The following SLC24A2 variants were observed in gnomAD, a reference collection of about 807,000 sequenced individuals.
SLC24A2 encodes the protein sodium/potassium/calcium exchanger 2.
Under a neutral mutation model 62.0 loss-of-function variants are expected in SLC24A2, and 36 were observed. The ratio of observed to expected loss-of-function variants is 0.58; its 90% CI spans 0.44 to 0.77. SLC24A2 has a LOEUF of 0.77. Ranked by LOEUF, SLC24A2 falls within the 30% of genes least tolerant of loss-of-function variation. The pLI is 0.00. For synonymous variants in SLC24A2, 358 were observed against 294.0 expected (o/e 1.22, Z -2.23); for missense variants, 846 against 817.9 (o/e 1.03, Z -0.42).
At chr9:20,228,464 CA>C in the SLC24A2 span, among the ~76,000 whole-genome samples, 1 of 151,810 alleles carries the variant, frequency 6.6e-6, no homozygotes, top group South Asian at 2.1e-4. Context: ...GCTGGCACCC[CA>C]AATTGTCTTT....
intron 8 of SLC24A2, among the ~76,000 whole-genome samples, chr9:19,549,526 G>A (rs1834739135): frequency 2.0e-5 from 3 of 152,168 alleles, no homozygotes; most frequent in Non-Finnish European, 4.4e-5. Context: ...AGTCCTGACT[G>A]ACCTCTTATG....
At chr9:19,662,858 A>G (rs1032983139) in intron 2 of SLC24A2, among the ~76,000 whole-genome samples, 32 of 152,160 alleles carry the variant, frequency 2.1e-4, no homozygotes, top group African/African-American at 7.7e-4. Flanking sequence ...TCACTGCCCC[A>G]TGAGCTGTTT....
At chr9:19,960,661 G>A in the SLC24A2 span, among the ~76,000 whole-genome samples, 2 of 152,180 alleles carry the variant, frequency 1.3e-5, no homozygotes, top group South Asian at 4.1e-4. Flanking sequence ...TCCCACAGAT[G>A]TATGGTGACA....
At chr9:19,754,927 G>C (rs967810246) in intron 2 of SLC24A2, among the ~76,000 whole-genome samples, 2 of 152,022 alleles carry the variant, frequency 1.3e-5, no homozygotes, top group East Asian at 3.9e-4. Context: ...GATTTTATAA[G>C]CATCCAATTC....
At chr9:19,665,244 T>C (rs1355980881) in intron 2 of SLC24A2, among the ~76,000 whole-genome samples, 2 of 152,130 alleles carry the variant, frequency 1.3e-5, no homozygotes, top group Non-Finnish European at 2.9e-5. Context: ...AGTGTTGTTA[T>C]TGTCCAAGGA....
the SLC24A2 span, among the ~76,000 whole-genome samples, chr9:20,030,403 C>T: frequency 1.3e-5 from 2 of 152,174 alleles, no homozygotes; most frequent in African/African-American, 4.8e-5. Context: ...GGTAACCGAG[C>T]TCCTCCTGTA....
At chr9:20,273,062 G>C in the SLC24A2 span, among the ~76,000 whole-genome samples, 6 of 152,206 alleles carry the variant, frequency 3.9e-5, no homozygotes, top group Non-Finnish European at 7.3e-5. Flanking sequence ...TCCACAGTGT[G>C]AGGCAGACGA....
At chr9:19,649,312 AAT>A (rs1818733889) in intron 2 of SLC24A2, among the ~76,000 whole-genome samples, 1 of 152,078 alleles carries the variant, frequency 6.6e-6, no homozygotes, top group Admixed American at 6.6e-5. Flanking sequence ...TTTTCCAGAT[AAT>A]ATATGTTGAT....
At chr9:19,809,648 G>A in the SLC24A2 span, among the ~76,000 whole-genome samples, 3 of 152,112 alleles carry the variant, frequency 2.0e-5, no homozygotes, top group South Asian at 2.1e-4. Context: ...AGTAAGGAGC[G>A]GACAGGATGG....
chr9:19,982,684 A>G, the SLC24A2 span, among the ~76,000 whole-genome samples: 2 of 152,216 alleles, frequency 1.3e-5, no homozygotes, highest in Non-Finnish European at 2.9e-5. Flanking sequence ...AACTTATTCT[A>G]TAAGGCTGTA....
the SLC24A2 span, among the ~76,000 whole-genome samples, chr9:20,046,109 C>T: frequency 6.6e-6 from 1 of 152,218 alleles, no homozygotes; most frequent in Non-Finnish European, 1.5e-5. Context: ...GTGTCCTCAT[C>T]TTGTTTCATC....
the SLC24A2 span, among the ~76,000 whole-genome samples, chr9:20,095,940 G>C: frequency 1.3e-5 from 2 of 152,084 alleles, no homozygotes; most frequent in African/African-American, 4.8e-5. Flanking sequence ...ACTATCATGA[G>C]AACAGTATGG....
chr9:19,717,704 T>C (rs929737556), intron 2 of SLC24A2, among the ~76,000 whole-genome samples: 9 of 152,194 alleles, frequency 5.9e-5, no homozygotes, highest in Non-Finnish European at 1.2e-4. Context: ...AGATTCTAAA[T>C]TTTTTAGCTG....
chr9:20,264,836 A>G, the SLC24A2 span, among the ~76,000 whole-genome samples: 1 of 152,240 alleles, frequency 6.6e-6, no homozygotes, highest in East Asian at 1.9e-4. Flanking sequence ...CCTGTAAAAC[A>G]TAGAAGGTGG....
the SLC24A2 span, among the ~76,000 whole-genome samples, chr9:19,975,942 A>G: frequency 6.7e-6 from 1 of 149,758 alleles, no homozygotes; most frequent in Non-Finnish European, 1.5e-5. Context: ...ATCTTGTTCT[A>G]TCACCCAAAT....
intron 2 of SLC24A2, among the ~76,000 whole-genome samples, chr9:19,753,107 A>G (rs913724858): frequency 1.3e-5 from 2 of 152,182 alleles, no homozygotes; most frequent in African/African-American, 4.8e-5. Context: ...TTTTCTTTGC[A>G]TACTCTAGCT....
intron 7 of SLC24A2, 92 bp downstream of exon 7, chr9:19,573,259 G>T: frequency 2.3e-6 from 2 of 866,348 alleles, no homozygotes; most frequent in Non-Finnish European, 2.0e-6. Flanking sequence ...GCTGAGAGCT[G>T]GGGCTTCCAA....
chr9:20,258,822 T>TATCTACCTC, the SLC24A2 span, among the ~76,000 whole-genome samples: 1 of 101,864 alleles, frequency 9.8e-6, no homozygotes, highest in South Asian at 9.9e-4. Flanking sequence ...CTACCTTATC[T>TATCTACCTC]ATCTATCTAT....
intron 8 of SLC24A2, among the ~76,000 whole-genome samples, chr9:19,532,482 T>TA (rs1262723892): frequency 3.3e-5 from 5 of 152,136 alleles, no homozygotes; most frequent in African/African-American, 1.2e-4. Context: ...GTATTGTTTT[T>TA]ATCTGTATTT....
Sources: gnomAD v4.1 joint callset for allele counts (sites outside exome capture counted in the v4.1 genomes callset) on GRCh38, gnomAD v4.1.1 for gene constraint, MANE v1.5 for transcripts, NCBI Gene and HGNC (gene_info 2026-07-23, HGNC 2026-07-21) for gene names.